CAMK1D: variants seen among roughly 807,000 people sequenced by gnomAD.
The protein encoded by CAMK1D is calcium/calmodulin dependent protein kinase ID.
CAMK1D carries 9 observed loss-of-function variants against 47.7 expected under a neutral mutation model. The observed-to-expected ratio is 0.19, with a 90% CI of 0.11 to 0.33. The LOEUF (loss-of-function observed/expected upper bound fraction) is 0.33. CAMK1D is among the 10% of genes least tolerant of loss of function. CAMK1D has a pLI of 1.00. For synonymous variants in CAMK1D, 184 were observed against 184.9 expected (o/e 0.99, Z 0.04); for missense variants, 291 against 488.7 (o/e 0.60, Z 3.81).
chr10:12,523,161 C>G (rs1306517036), intron 1 of CAMK1D, among the ~76,000 whole-genome samples: 1 of 151,294 alleles, frequency 6.6e-6, no homozygotes, highest in Non-Finnish European at 1.5e-5. Flanking sequence ...CGCGGCTGGG[C>G]AGAGGCGCTC....
chr10:12,412,350 C>G (rs1340470186), intron 1 of CAMK1D, among the ~76,000 whole-genome samples: 1 of 151,050 alleles, frequency 6.6e-6, no homozygotes, highest in Non-Finnish European at 1.5e-5. Context: ...TGGCTCATGC[C>G]TGTAATCCCA....
intron 2 of CAMK1D, among the ~76,000 whole-genome samples, chr10:12,569,948 T>A (rs12256312): frequency 0.058 from 8,761 of 152,122 alleles, 725 homozygotes; most frequent in African/African-American, 0.19. Flanking sequence ...ACGCCTGTAA[T>A]CCCAGCACTT....
chr10:12,616,649 C>G (rs922301942), intron 2 of CAMK1D, among the ~76,000 whole-genome samples: 1 of 152,032 alleles, frequency 6.6e-6, no homozygotes, highest in African/African-American at 2.4e-5. Context: ...TCCCGAGTAG[C>G]TGGGACTACA....
At chr10:12,555,156 A>AG (rs1176896230) in intron 2 of CAMK1D, among the ~76,000 whole-genome samples, 1 of 152,230 alleles carries the variant, frequency 6.6e-6, no homozygotes, top group Non-Finnish European at 1.5e-5. Context: ...CAAGCCTTCT[A>AG]GGGCCTCAAC....
In CAMK1D at chr10:12,506,874, G is replaced by A. The variant is rs115139239; in HGVS notation, c.93-46351G>A. Among the ~76,000 whole-genome samples the A allele has an allele frequency of 5.2e-3, 797 of 152,308 alleles. 8 individuals are homozygous for A. Among genetic ancestry groups the A allele is most frequent in the African/African-American group, 0.018 (754 of 41,562 alleles). On this transcript the variant is annotated intron_variant, in intron 1 of 10. Coordinates refer to ENST00000619168, the MANE Select transcript of CAMK1D (RefSeq NM_153498.4). ...GCCCCCGAGCCCGAGGGTAGGACCT[G>A]CCAACCTCGGGTCACATCATGTCCT...
intron 3 of CAMK1D, among the ~76,000 whole-genome samples, chr10:12,735,239 G>C (rs951239578): frequency 6.6e-6 from 1 of 152,216 alleles, no homozygotes; most frequent in East Asian, 1.9e-4. Context: ...CACTTTGGGA[G>C]GCCGAGGCGG....
intron 2 of CAMK1D, among the ~76,000 whole-genome samples, chr10:12,557,099 A>G (rs1199891596): frequency 1.3e-5 from 2 of 152,144 alleles, no homozygotes; most frequent in African/African-American, 4.8e-5. Flanking sequence ...GAGAACAGAA[A>G]TACCAGAGCG....
At chr10:12,784,584 C>T (rs887197852) in intron 5 of CAMK1D, among the ~76,000 whole-genome samples, 10 of 152,218 alleles carry the variant, frequency 6.6e-5, no homozygotes, top group African/African-American at 2.4e-4. Context: ...CTTTTCTCCT[C>T]AAAGTTCCTG....
intron 1 of CAMK1D, among the ~76,000 whole-genome samples, chr10:12,442,220 G>T (rs1196129669): frequency 6.6e-6 from 1 of 152,122 alleles, no homozygotes; most frequent in Non-Finnish European, 1.5e-5. Flanking sequence ...GGTGGCTCAT[G>T]CCTGTAATCC....
At chr10:12,803,074 T>C (rs558030882) in intron 6 of CAMK1D, among the ~76,000 whole-genome samples, 16 of 152,356 alleles carry the variant, frequency 1.1e-4, no homozygotes, top group Middle Eastern at 3.4e-3. Context: ...GCCTAATCTT[T>C]CATGCATTTA....
At chr10:12,442,046 A>G (rs1832798161) in intron 1 of CAMK1D, among the ~76,000 whole-genome samples, 1 of 152,236 alleles carries the variant, frequency 6.6e-6, no homozygotes, top group Non-Finnish European at 1.5e-5. Context: ...GTTATAAAAG[A>G]CAATCTCTTT....
At chr10:12,644,656 A>G (rs1839765334) in intron 2 of CAMK1D, among the ~76,000 whole-genome samples, 2 of 152,148 alleles carry the variant, frequency 1.3e-5, no homozygotes, top group Admixed American at 6.5e-5. Flanking sequence ...GTAACCTCCA[A>G]TACGGAGGCT....
chr10:12,448,991 A>G (rs117137268), intron 1 of CAMK1D, among the ~76,000 whole-genome samples: 1 of 152,170 alleles, frequency 6.6e-6, no homozygotes, highest in Non-Finnish European at 1.5e-5. Context: ...TCATTCTTGT[A>G]AACACTTAGA....
chr10:12,698,907 G>A (rs1404003301), intron 3 of CAMK1D, among the ~76,000 whole-genome samples: 1 of 151,964 alleles, frequency 6.6e-6, no homozygotes, highest in East Asian at 1.9e-4. Context: ...TCTTGACCTC[G>A]TGATCTGCCT....
intron 8 of CAMK1D, among the ~76,000 whole-genome samples, chr10:12,822,212 T>A (rs1366116296): frequency 6.6e-6 from 1 of 152,168 alleles, no homozygotes; most frequent in East Asian, 1.9e-4. Context: ...GTTTCCTAGC[T>A]TATCATGAGC....
intron 1 of CAMK1D, among the ~76,000 whole-genome samples, chr10:12,449,918 G>GA (rs1368852109): frequency 2.0e-5 from 3 of 152,232 alleles, no homozygotes; most frequent in Admixed American, 6.5e-5. Flanking sequence ...AGAATCGCTT[G>GA]ACTTGGGAGG....
At chr10:12,420,546 C>T (rs1162001010) in intron 1 of CAMK1D, among the ~76,000 whole-genome samples, 2 of 151,862 alleles carry the variant, frequency 1.3e-5, no homozygotes, top group East Asian at 1.9e-4. Context: ...TGGTGGACAC[C>T]TTAGTCAAAT....
At chr10:12,501,172 T>G (rs568548166) in intron 1 of CAMK1D, among the ~76,000 whole-genome samples, 1 of 152,366 alleles carries the variant, frequency 6.6e-6, no homozygotes, top group South Asian at 2.1e-4. Flanking sequence ...AGTCCCAGCC[T>G]AAGTGGGTTG....
chr10:12,555,972 G>C (rs572420259), intron 2 of CAMK1D, among the ~76,000 whole-genome samples: 10 of 152,250 alleles, frequency 6.6e-5, no homozygotes, highest in African/African-American at 2.4e-4. Context: ...TCCAGGGAGA[G>C]GGCATTTAAA....
Sources: allele counts gnomAD v4.1 joint callset (sites outside exome capture counted in the v4.1 genomes callset), GRCh38; gene constraint gnomAD v4.1.1; transcripts MANE v1.5; gene names NCBI Gene and HGNC (gene_info 2026-07-23, HGNC 2026-07-21).